The following TFEC variants were observed in gnomAD, a reference collection of about 807,000 sequenced individuals.
TFEC encodes the protein transcription factor EC, also known as class E basic helix-loop-helix protein 34.
Under a neutral mutation model 41.6 loss-of-function variants are expected in TFEC, and 31 were observed. That is an observed-to-expected ratio of 0.74 (90% confidence interval 0.56 to 1.01). The LOEUF (loss-of-function observed/expected upper bound fraction) is 1.01, where lower values mean the gene tolerates loss of function less well. Ranked by LOEUF, TFEC falls within the 50% of genes least tolerant of loss-of-function variation. The pLI, the probability that TFEC is intolerant of heterozygous loss-of-function variation, is 0.00. For synonymous variants in TFEC, 143 were observed against 140.6 expected (o/e 1.02, Z -0.12); for missense variants, 402 against 404.1 (o/e 0.99, Z 0.04).
At chr7:116,034,748 G>C (rs968599949), upstream of TFEC, among the ~76,000 whole-genome samples, 1 of 151,486 alleles carries the variant, frequency 6.6e-6, no homozygotes, top group Non-Finnish European at 1.5e-5. Flanking sequence ...ACTCAAAGCT[G>C]ATCATGTAGC....
intron 3 of TFEC, among the ~76,000 whole-genome samples, chr7:116,106,896 C>T (rs1045243832): frequency 2.0e-5 from 3 of 152,148 alleles, no homozygotes; most frequent in East Asian, 1.9e-4. Context: ...GTTCAACACA[C>T]GTTAATTTTT....
chr7:116,064,433 CTA>C (rs1796645264), intron 3 of TFEC, among the ~76,000 whole-genome samples: 1 of 150,696 alleles, frequency 6.6e-6, no homozygotes, highest in Non-Finnish European at 1.5e-5. Flanking sequence ...GCAGTTTATT[CTA>C]TGTCAATCAT....
intron 3 of TFEC, among the ~76,000 whole-genome samples, chr7:116,075,286 A>C (rs1796931238): frequency 6.6e-6 from 1 of 152,174 alleles, no homozygotes; most frequent in Non-Finnish European, 1.5e-5. Flanking sequence ...ACTAGCTTGC[A>C]GCACCCACCC....
chr7:115,961,915 C>T (rs960795581), intron 3 of TFEC, among the ~76,000 whole-genome samples: 1 of 151,482 alleles, frequency 6.6e-6, no homozygotes, highest in Non-Finnish European at 1.5e-5. Flanking sequence ...AGAAAACCCT[C>T]CCTAAGATTC....
intron 6 of TFEC, among the ~76,000 whole-genome samples, chr7:115,942,602 C>A (rs1793561596): frequency 6.6e-6 from 1 of 151,932 alleles, no homozygotes; most frequent in South Asian, 2.1e-4. Flanking sequence ...TTTCTAAAAC[C>A]ATTCAGTCAT....
intron 3 of TFEC, among the ~76,000 whole-genome samples, chr7:116,090,983 G>A (rs1441776561): frequency 6.6e-6 from 1 of 151,792 alleles, no homozygotes; most frequent in Non-Finnish European, 1.5e-5. Flanking sequence ...GGGGCAAGGG[G>A]AGGGATAGCA....
At chr7:116,017,884 C>A (rs1795253779) in intron 1 of TFEC, among the ~76,000 whole-genome samples, 1 of 152,086 alleles carries the variant, frequency 6.6e-6, no homozygotes, top group Non-Finnish European at 1.5e-5. Flanking sequence ...ATTAGTTATT[C>A]ATTTTTTTAT....
intron 3 of TFEC, among the ~76,000 whole-genome samples, chr7:116,039,451 C>CTG (rs879627433): frequency 5.7e-5 from 5 of 87,540 alleles, no homozygotes; most frequent in East Asian, 4.5e-4. Context: ...GTGTGTGTGT[C>CTG]TGTGTGTGTG....
At chr7:116,060,335 C>T (rs1312459999) in intron 3 of TFEC, among the ~76,000 whole-genome samples, 1 of 152,106 alleles carries the variant, frequency 6.6e-6, no homozygotes, top group African/African-American at 2.4e-5. Context: ...GCAGAACTAC[C>T]ATTCGACCTA....
chr7:116,110,638 A>T (rs1395520936), intron 3 of TFEC: 2 of 1,096,028 alleles, frequency 1.8e-6, no homozygotes, highest in Non-Finnish European at 2.4e-6. Flanking sequence ...CAATTAAAAC[A>T]GACAGATTTT....
At chr7:116,154,920 T>C (rs1798836762) in intron 1 of TFEC, among the ~76,000 whole-genome samples, 1 of 152,154 alleles carries the variant, frequency 6.6e-6, no homozygotes, top group Non-Finnish European at 1.5e-5. Flanking sequence ...TTCACAGGGG[T>C]CTCAGCCTTG....
At chr7:115,991,163 G>A (rs975469566) in intron 1 of TFEC, among the ~76,000 whole-genome samples, 2 of 152,134 alleles carry the variant, frequency 1.3e-5, no homozygotes, top group African/African-American at 4.8e-5. Flanking sequence ...ATCCTTTACA[G>A]ACAAGCAAAT....
At chr7:116,142,566 A>T (rs1798563443) in intron 1 of TFEC, among the ~76,000 whole-genome samples, 1 of 152,166 alleles carries the variant, frequency 6.6e-6, no homozygotes, top group Non-Finnish European at 1.5e-5. Flanking sequence ...GAGAAGTCAA[A>T]TGAGTTCTGC....
At chr7:116,082,502 A>G (rs955830948) in intron 3 of TFEC, among the ~76,000 whole-genome samples, 2 of 152,060 alleles carry the variant, frequency 1.3e-5, no homozygotes, top group Non-Finnish European at 2.9e-5. Context: ...GCTTTCTGTT[A>G]GTCATAAAAA....
intron 3 of TFEC, among the ~76,000 whole-genome samples, chr7:116,084,424 T>TAC (rs1184091167): frequency 6.6e-6 from 1 of 151,912 alleles, no homozygotes; most frequent in Non-Finnish European, 1.5e-5. Flanking sequence ...GCTGAAGACT[T>TAC]ACAATACTAA....
rs1793235733 is a variant in TFEC at position 115,936,523 on chromosome 7, G to T, written c.*4028C>A. ...GTGTTTGAATAGGGTCAAAGACATTGTAAAAAAATTTGGAACACTTAGTTA... is the reference window on the plus strand; with the variant it reads ...GTGTTTGAATAGGGTCAAAGACATTTTAAAAAAATTTGGAACACTTAGTTA... On this transcript the variant is annotated 3_prime_UTR_variant, in exon 8 of 8. Transcript: ENST00000265440. 1 of 151,638 alleles carries T rather than the reference G, an allele frequency of 6.6e-6. No individual in the cohort carries two copies. The highest frequency in any genetic ancestry group is 6.6e-5 in the Admixed American group (1 of 15,200). 9.4% of individuals were successfully genotyped at this position (151,638 alleles called of 1,614,324 possible).
intron 1 of TFEC, among the ~76,000 whole-genome samples, chr7:116,000,575 C>T (rs1794552692): frequency 1.3e-5 from 2 of 152,218 alleles, no homozygotes; most frequent in Non-Finnish European, 2.9e-5. Flanking sequence ...GCTATTAGAA[C>T]TGATAAATTC....
intron 1 of TFEC, among the ~76,000 whole-genome samples, chr7:116,119,432 G>A (rs369244374): frequency 6.6e-6 from 1 of 151,374 alleles, no homozygotes; most frequent in South Asian, 2.1e-4. Flanking sequence ...TAACTACATA[G>A]AAAATCTCTG....
chr7:115,956,568 T>C, intron 4 of TFEC, 111 bp downstream of exon 4: 1 of 557,314 alleles, frequency 1.8e-6, no homozygotes, highest in East Asian at 3.4e-5. Context: ...TGCCTTCTTT[T>C]TTGTAACTGT....
Sources: allele counts gnomAD v4.1 joint callset (sites outside exome capture counted in the v4.1 genomes callset), GRCh38; gene constraint gnomAD v4.1.1; transcripts MANE v1.5; gene names NCBI Gene and HGNC (gene_info 2026-07-23, HGNC 2026-07-21).